The following ADARB2 variants were observed in gnomAD, a reference collection of about 807,000 sequenced individuals.
The protein encoded by ADARB2 is adenosine deaminase RNA specific B2 (inactive).
ADARB2 carries 25 observed loss-of-function variants against 62.2 expected under a neutral mutation model. The observed-to-expected ratio is 0.40, with a 90% CI of 0.29 to 0.56. ADARB2 has a LOEUF of 0.56. Ranked by LOEUF, ADARB2 falls within the 20% of genes least tolerant of loss-of-function variation. The pLI is 0.43. For missense variants in ADARB2, 1,071 were observed against 1,077.4 expected, an observed-to-expected ratio of 0.99 and a Z score of 0.08; for synonymous variants, 572 against 500.8, an observed-to-expected ratio of 1.14 and a Z score of -1.90.
intron 1 of ADARB2, among the ~76,000 whole-genome samples, chr10:1,615,015 C>T (rs988078868): frequency 1.3e-5 from 2 of 152,042 alleles, no homozygotes; most frequent in South Asian, 4.2e-4. Context: ...AGCTCATGGG[C>T]CCTGGGTACA....
At chr10:1,309,504 G>A (rs896046836) in intron 3 of ADARB2, among the ~76,000 whole-genome samples, 3 of 152,230 alleles carry the variant, frequency 2.0e-5, no homozygotes, top group African/African-American at 7.2e-5. Flanking sequence ...TGGGAAGTCC[G>A]GTGGCTACCA....
At chr10:1,303,499 C>T (rs1026327666) in intron 3 of ADARB2, among the ~76,000 whole-genome samples, 1 of 152,208 alleles carries the variant, frequency 6.6e-6, no homozygotes, top group South Asian at 2.1e-4. Flanking sequence ...CAAGGCAGGC[C>T]AACGTTCAGA....
intron 1 of ADARB2, among the ~76,000 whole-genome samples, chr10:1,549,367 C>A (rs11591776): frequency 0.2 from 30,301 of 151,976 alleles, 3,322 homozygotes; most frequent in Non-Finnish European, 0.25. Flanking sequence ...TTTTTGAAAG[C>A]CCTGGGAGTG....
At chr10:1,729,396 A>G (rs891639371) in intron 1 of ADARB2, among the ~76,000 whole-genome samples, 15 of 152,216 alleles carry the variant, frequency 9.9e-5, no homozygotes, top group African/African-American at 3.4e-4. Flanking sequence ...TCCTTAAAGA[A>G]TGTGGCTATT....
At chr10:1,343,260 A>G (rs1266547902) in intron 3 of ADARB2, among the ~76,000 whole-genome samples, 2 of 152,250 alleles carry the variant, frequency 1.3e-5, no homozygotes, top group East Asian at 1.9e-4. Flanking sequence ...AGCATATGAA[A>G]AAAAGCTCAA....
chr10:1,375,652 C>T (rs61833602), intron 2 of ADARB2, among the ~76,000 whole-genome samples: 3,847 of 152,342 alleles, frequency 0.025, 101 homozygotes, highest in East Asian at 0.12. Context: ...GTGTGAAACA[C>T]GGGAGACCGG....
intron 1 of ADARB2, among the ~76,000 whole-genome samples, chr10:1,568,210 C>T (rs1832882673): frequency 3.3e-5 from 5 of 152,198 alleles, no homozygotes; most frequent in African/African-American, 4.8e-5. Flanking sequence ...AGAGGCTTGG[C>T]CAGGCCTCCG....
At chr10:1,568,178 G>C (rs1832882216) in intron 1 of ADARB2, among the ~76,000 whole-genome samples, 1 of 152,250 alleles carries the variant, frequency 6.6e-6, no homozygotes, top group Non-Finnish European at 1.5e-5. Flanking sequence ...GGGAACCCTT[G>C]ACATAGCTGA....
chr10:1,324,652 T>C (rs1463618456), intron 3 of ADARB2, among the ~76,000 whole-genome samples: 1 of 152,204 alleles, frequency 6.6e-6, no homozygotes, highest in Non-Finnish European at 1.5e-5. Flanking sequence ...ACTGCATGAT[T>C]GCATTTATAT....
chr10:1,576,660 C>T (rs1464957153), intron 1 of ADARB2, among the ~76,000 whole-genome samples: 1 of 152,118 alleles, frequency 6.6e-6, no homozygotes, highest in Non-Finnish European at 1.5e-5. Context: ...GATCATCAGT[C>T]TGTAGTGAGC....
intron 1 of ADARB2, among the ~76,000 whole-genome samples, chr10:1,452,571 A>T (rs1400874235): frequency 2.2e-5 from 3 of 138,338 alleles, no homozygotes; most frequent in African/African-American, 8.1e-5. Flanking sequence ...GCATGTTCTC[A>T]CTCGTAAGTG....
chr10:1,379,228 G>T, intron 1 of ADARB2, 68 bp from the exon 2 acceptor site: 1 of 1,303,488 alleles, frequency 7.7e-7, no homozygotes, highest in Non-Finnish European at 1.1e-6. Flanking sequence ...GCTTTTATAA[G>T]TTCTTATTAC....
At chr10:1,551,276 C>A (rs1000687325) in intron 1 of ADARB2, among the ~76,000 whole-genome samples, 2 of 152,156 alleles carry the variant, frequency 1.3e-5, no homozygotes, top group African/African-American at 4.8e-5. Flanking sequence ...CTGACTGTGA[C>A]AACGTGAATG....
chr10:1,695,647 ACATG>A (rs1834729913), intron 1 of ADARB2, among the ~76,000 whole-genome samples: 2 of 152,198 alleles, frequency 1.3e-5, no homozygotes, highest in Non-Finnish European at 2.9e-5. Flanking sequence ...ATACACATAA[ACATG>A]CATGCGAGAG....
intron 1 of ADARB2, among the ~76,000 whole-genome samples, chr10:1,687,985 C>T (rs559182708): frequency 6.6e-6 from 1 of 152,224 alleles, no homozygotes; most frequent in Non-Finnish European, 1.5e-5. Flanking sequence ...AGGCTCTGAG[C>T]AGATGGCACT....
intron 3 of ADARB2, among the ~76,000 whole-genome samples, chr10:1,328,008 C>CCCACAGCATTCT: frequency 6.6e-6 from 1 of 151,528 alleles, no homozygotes; most frequent in Non-Finnish European, 1.5e-5. Context: ...AAGGCGCCTC[C>CCCACAGCATTCT]GCATTCTGGG....
chr10:1,202,762 T>C (rs1317415831), intron 7 of ADARB2, among the ~76,000 whole-genome samples: 4 of 152,210 alleles, frequency 2.6e-5, no homozygotes, highest in East Asian at 1.9e-4. Context: ...ATTTCCGCCA[T>C]CTGTAACAAA....
In ADARB2 at chr10:1,621,695, G is replaced by A. The variant is rs553876498; in HGVS notation, c.100+115356C>T. On this transcript the variant is annotated intron_variant, in intron 1 of 9. Transcript: ENST00000381312. ...GTACTGAAAACTACAAAACATTACT[G>A]AAAGAAATCAAAGGAGACCTAAGTA... is the stretch of plus-strand genomic sequence containing the variant. 9.0e-4 allele frequency among the ~76,000 whole-genome samples: 137 copies of A among 152,290 alleles called. 1 individual carries two copies. The highest frequency in any genetic ancestry group is 4.4e-3 in the South Asian group (21 of 4,824).
chr10:1,480,312 A>C (rs566031263), intron 1 of ADARB2, among the ~76,000 whole-genome samples: 1 of 152,374 alleles, frequency 6.6e-6, no homozygotes, highest in East Asian at 1.9e-4. Flanking sequence ...AGAACTAATA[A>C]ATGAATTCAA....
Sources: allele counts gnomAD v4.1 joint callset (sites outside exome capture counted in the v4.1 genomes callset), GRCh38; gene constraint gnomAD v4.1.1; transcripts MANE v1.5; gene names NCBI Gene and HGNC (gene_info 2026-07-23, HGNC 2026-07-21).